The following SLC35F3 variants were observed in gnomAD, a reference collection of about 807,000 sequenced individuals.
SLC35F3 encodes the protein solute carrier family 35 member F3, also known as putative thiamine transporter SLC35F3.
Under a neutral mutation model 49.9 loss-of-function variants are expected in SLC35F3, and 25 were observed. The observed-to-expected ratio is 0.50, with a 90% CI of 0.37 to 0.70. The LOEUF is 0.70. Ranked by LOEUF, SLC35F3 falls within the 30% of genes least tolerant of loss-of-function variation. The probability of loss-of-function intolerance (pLI) is 0.00; values close to 1 mark genes in which losing one functional copy is unlikely to be tolerated. For missense variants in SLC35F3, 525 were observed against 639.8 expected (o/e 0.82, Z 1.94); for synonymous variants, 275 against 265.4 (o/e 1.04, Z -0.35).
At chr1:234,198,034 G>C (rs899036602) in intron 2 of SLC35F3, among the ~76,000 whole-genome samples, 7 of 152,204 alleles carry the variant, frequency 4.6e-5, no homozygotes, top group African/African-American at 1.7e-4. Flanking sequence ...CCTGTGATAT[G>C]CTGTAAACAT....
chr1:234,205,895 C>A (rs535014027), intron 2 of SLC35F3, among the ~76,000 whole-genome samples: 42 of 152,184 alleles, frequency 2.8e-4, no homozygotes, highest in African/African-American at 8.7e-4. Flanking sequence ...GACCAGGGGA[C>A]CTGGGGGTGC....
At chr1:234,272,731 A>G (rs1176288648) in intron 3 of SLC35F3, among the ~76,000 whole-genome samples, 1 of 151,884 alleles carries the variant, frequency 6.6e-6, no homozygotes, top group Non-Finnish European at 1.5e-5. Flanking sequence ...TTTCCTTTCC[A>G]TGATAGTGAC....
intron 2 of SLC35F3, among the ~76,000 whole-genome samples, chr1:234,137,134 A>T (rs1020749043): frequency 1.3e-5 from 2 of 152,238 alleles, no homozygotes; most frequent in African/African-American, 2.4e-5. Flanking sequence ...TAACAGATGC[A>T]TGCACACGTA....
chr1:234,305,137 A>G (rs1467246850), intron 3 of SLC35F3, among the ~76,000 whole-genome samples: 3 of 152,214 alleles, frequency 2.0e-5, no homozygotes, highest in Non-Finnish European at 2.9e-5. Flanking sequence ...TATGAATTAA[A>G]TGATAAGCCA....
At chr1:234,146,412 G>A (rs1382579569) in intron 2 of SLC35F3, among the ~76,000 whole-genome samples, 1 of 147,392 alleles carries the variant, frequency 6.8e-6, no homozygotes, top group African/African-American at 2.5e-5. Flanking sequence ...TAATTTTTAT[G>A]GATACACTTT....
intron 2 of SLC35F3, among the ~76,000 whole-genome samples, chr1:234,031,701 C>A (rs1664065502): frequency 6.6e-6 from 1 of 152,122 alleles, no homozygotes; most frequent in Non-Finnish European, 1.5e-5. Context: ...CGAGCCACTG[C>A]CCCCAGTCCA....
chr1:234,003,373 T>C (rs1462471612), intron 2 of SLC35F3, among the ~76,000 whole-genome samples: 1 of 152,188 alleles, frequency 6.6e-6, no homozygotes, highest in African/African-American at 2.4e-5. Context: ...TATGTTTCAC[T>C]ATCAGAGACA....
At chr1:233,978,325 A>G (rs919620649) in intron 2 of SLC35F3, among the ~76,000 whole-genome samples, 5 of 152,248 alleles carry the variant, frequency 3.3e-5, no homozygotes, top group South Asian at 2.1e-4. Flanking sequence ...GCCTGATTGC[A>G]TGAACGTGAT....
chr1:234,283,115 G>A (rs1383382542), intron 3 of SLC35F3, among the ~76,000 whole-genome samples: 1 of 152,152 alleles, frequency 6.6e-6, no homozygotes, highest in Non-Finnish European at 1.5e-5. Context: ...CCATGGGATT[G>A]AAGAAAATGT....
chr1:233,913,649 G>A (rs757177844), intron 2 of SLC35F3, among the ~76,000 whole-genome samples: 3 of 152,142 alleles, frequency 2.0e-5, no homozygotes, highest in Non-Finnish European at 2.9e-5. Context: ...GTTTCCTCAG[G>A]CACATACACA....
intron 2 of SLC35F3, among the ~76,000 whole-genome samples, chr1:234,222,968 G>A (rs1667231576): frequency 6.6e-6 from 1 of 152,174 alleles, no homozygotes; most frequent in Non-Finnish European, 1.5e-5. Context: ...GCCATAACTA[G>A]CAGTGCATAT....
chr1:234,034,560 G>A (rs142125989), intron 2 of SLC35F3, among the ~76,000 whole-genome samples: 2,656 of 152,054 alleles, frequency 0.017, 30 homozygotes, highest in Non-Finnish European at 0.026. Flanking sequence ...ATGCTGTGTC[G>A]CCTAGGCTGG....
At chr1:233,947,920 G>A (rs1483569333) in intron 2 of SLC35F3, among the ~76,000 whole-genome samples, 1 of 150,322 alleles carries the variant, frequency 6.7e-6, no homozygotes, top group African/African-American at 2.4e-5. Flanking sequence ...TCCCAGGAGG[G>A]ATTTCCATGT....
intron 2 of SLC35F3, among the ~76,000 whole-genome samples, chr1:234,096,032 C>G (rs552254719): frequency 1.3e-5 from 2 of 152,246 alleles, no homozygotes; most frequent in African/African-American, 4.8e-5. Context: ...TGTTTCTTAC[C>G]TAAGCAAGAA....
chr1:234,094,925 C>G (rs371085244), intron 2 of SLC35F3, among the ~76,000 whole-genome samples: 1 of 152,114 alleles, frequency 6.6e-6, no homozygotes, highest in African/African-American at 2.4e-5. Context: ...AATTGCTTAC[C>G]TGCTAGTTCT....
intron 3 of SLC35F3, among the ~76,000 whole-genome samples, chr1:234,295,807 C>G (rs1327267879): frequency 6.6e-6 from 1 of 152,212 alleles, no homozygotes; most frequent in Non-Finnish European, 1.5e-5. Context: ...ACACCTGCCA[C>G]AGCTGTGGAG....
At chr1:234,319,899 G>C (rs1184659366) in intron 6 of SLC35F3, among the ~76,000 whole-genome samples, 199 bp from the exon 7 acceptor site, 1 of 152,092 alleles carries the variant, frequency 6.6e-6, no homozygotes, top group African/African-American at 2.4e-5. Context: ...CAGAGGGGCT[G>C]AGTACTCAGA....
intron 3 of SLC35F3, among the ~76,000 whole-genome samples, chr1:234,243,639 G>A (rs531888617): frequency 2.5e-4 from 38 of 152,314 alleles, no homozygotes; most frequent in Middle Eastern, 3.4e-3. Context: ...CACCTTCTAG[G>A]TTTCCTGGCC....
rs201748856 is a variant in SLC35F3 at position 234,092,562 on chromosome 1, C to T, written c.284-138855C>T. Among the ~76,000 whole-genome samples the T allele has an allele frequency of 1.8e-4, 28 of 152,210 alleles. No individual in the cohort carries two copies. In the East Asian group the frequency reaches 2.9e-3, roughly 16 times the overall value. Reference sequence around the variant, plus strand: ...GTCATATTTGGATTGCAAAGTGCTGCGAATAAAAATGAATGTAGGAGGCTG... The same window carrying T: ...GTCATATTTGGATTGCAAAGTGCTGTGAATAAAAATGAATGTAGGAGGCTG... On this transcript the variant is annotated intron_variant, in intron 2 of 7. Coordinates refer to ENST00000366618, the MANE Select transcript of SLC35F3 (RefSeq NM_173508.4).
Sources: allele counts gnomAD v4.1 joint callset (sites outside exome capture counted in the v4.1 genomes callset), GRCh38; gene constraint gnomAD v4.1.1; transcripts MANE v1.5; gene names NCBI Gene and HGNC (gene_info 2026-07-23, HGNC 2026-07-21).